The following FNDC3B variants were observed in gnomAD, a reference collection of about 807,000 sequenced individuals.
FNDC3B encodes fibronectin type III domain containing 3B.
A neutral mutation model predicts 151.5 loss-of-function variants in FNDC3B; 12 were observed. The observed-to-expected ratio is 0.08, with a 90% CI of 0.05 to 0.13. The LOEUF (loss-of-function observed/expected upper bound fraction) is 0.13. Among genes scored for constraint, FNDC3B ranks in the 10% least tolerant of loss-of-function variants. FNDC3B has a pLI of 1.00. For synonymous variants in FNDC3B, 528 were observed against 549.0 expected (o/e 0.96, Z 0.54); for missense variants, 1,214 against 1,505.3 (o/e 0.81, Z 3.20).
chr3:172,188,748 T>C (rs868520311), intron 3 of FNDC3B, among the ~76,000 whole-genome samples: 9 of 152,220 alleles, frequency 5.9e-5, no homozygotes, highest in African/African-American at 2.2e-4. Context: ...GGCTGTGAAA[T>C]GTACACTGAG....
chr3:172,102,150 G>A (rs978398336), intron 1 of FNDC3B, among the ~76,000 whole-genome samples: 2 of 152,110 alleles, frequency 1.3e-5, no homozygotes, highest in Non-Finnish European at 2.9e-5. Context: ...CAATTAGCTC[G>A]CTAAGAGCAT....
At chr3:172,193,877 A>T (rs1037137676) in intron 3 of FNDC3B, among the ~76,000 whole-genome samples, 7 of 152,164 alleles carry the variant, frequency 4.6e-5, no homozygotes, top group African/African-American at 1.7e-4. Context: ...GAAAGGAGTA[A>T]GTTTTTGGAT....
chr3:172,286,468 G>T (rs1730024216), intron 7 of FNDC3B, among the ~76,000 whole-genome samples: 1 of 152,146 alleles, frequency 6.6e-6, no homozygotes, highest in Non-Finnish European at 1.5e-5. Context: ...TTTTGATTTT[G>T]CCAGGTGCTT....
chr3:172,104,719 A>G (rs1310139844), intron 1 of FNDC3B, among the ~76,000 whole-genome samples: 1 of 152,178 alleles, frequency 6.6e-6, no homozygotes, highest in East Asian at 1.9e-4. Context: ...CCATATTCTC[A>G]CAGTAGCAGG....
intron 1 of FNDC3B, among the ~76,000 whole-genome samples, chr3:172,089,124 A>C (rs1210372720): frequency 6.6e-6 from 1 of 152,226 alleles, no homozygotes; most frequent in African/African-American, 2.4e-5. Context: ...GTGAGCAACT[A>C]ATACCCATAG....
chr3:172,238,769 G>C (rs1324792044), intron 4 of FNDC3B, among the ~76,000 whole-genome samples: 1 of 152,182 alleles, frequency 6.6e-6, no homozygotes, highest in Non-Finnish European at 1.5e-5. Flanking sequence ...CGATGCATTT[G>C]TACTCCTGAT....
At chr3:172,390,819 G>T (rs1576972367) in intron 25 of FNDC3B, among the ~76,000 whole-genome samples, 1 of 152,084 alleles carries the variant, frequency 6.6e-6, no homozygotes, top group Non-Finnish European at 1.5e-5. Context: ...GTCTTTGCTT[G>T]GCAGAAACTG....
At chr3:172,355,346 T>A (rs929628581) in intron 22 of FNDC3B, among the ~76,000 whole-genome samples, 2 of 152,144 alleles carry the variant, frequency 1.3e-5, no homozygotes, top group African/African-American at 4.8e-5. Context: ...GTCCATTCTA[T>A]TTGTGGATAA....
chr3:172,366,448 G>C (rs1413366081), intron 23 of FNDC3B, among the ~76,000 whole-genome samples: 2 of 151,846 alleles, frequency 1.3e-5, no homozygotes, highest in Admixed American at 1.3e-4. Flanking sequence ...TAGAAAGTAG[G>C]GTTTGTACCA....
intron 1 of FNDC3B, among the ~76,000 whole-genome samples, chr3:172,049,706 T>C (rs1716549207): frequency 6.6e-6 from 1 of 152,166 alleles, no homozygotes; most frequent in Admixed American, 6.5e-5. Context: ...TTTGTATATT[T>C]AGTAGAGACA....
At chr3:172,324,072 CA>C (rs965403579) in intron 11 of FNDC3B, among the ~76,000 whole-genome samples, 2 of 152,110 alleles carry the variant, frequency 1.3e-5, no homozygotes, top group Non-Finnish European at 2.9e-5. Context: ...ATGATGACAT[CA>C]GGGGACAGGT....
chr3:172,062,456 T>C (rs1717257115), intron 1 of FNDC3B, among the ~76,000 whole-genome samples: 2 of 151,952 alleles, frequency 1.3e-5, no homozygotes, highest in South Asian at 2.1e-4. Flanking sequence ...GGATGACAGA[T>C]GTGTGCTACC....
intron 7 of FNDC3B, among the ~76,000 whole-genome samples, chr3:172,295,162 G>C (rs1394502331): frequency 6.6e-6 from 1 of 152,206 alleles, no homozygotes; most frequent in Non-Finnish European, 1.5e-5. Flanking sequence ...TTGGATGAAA[G>C]TTGGCATTAT....
Position 172,300,863 on chromosome 3 carries a change from G to A in FNDC3B, c.1061+2076G>A, listed in dbSNP as rs118087655. Reference sequence around the variant, plus strand: ...CGTCTATAGTCCAGATTTAGTCTTTGTGCACTGCCTAATGCACAGTCCATA... The same window carrying A: ...CGTCTATAGTCCAGATTTAGTCTTTATGCACTGCCTAATGCACAGTCCATA... On this transcript the variant is annotated intron_variant, in intron 9 of 25. Transcript: ENST00000415807. 4.1e-3 allele frequency among the ~76,000 whole-genome samples: 630 copies of A among 152,224 alleles called. 13 individuals carry two copies. The East Asian group carries it at 0.046, about 11-fold the overall frequency.
At position 172,330,629 on chromosome 3, in the gene FNDC3B, T is replaced by C. The variant is rs1362247938; in HGVS notation, c.1468T>C (p.Trp490Arg). ...AAGGCTGGTTCGAGCTGGCATCACATGGGTCACGTTGCAGTGGAGTAAGCC... is the reference window on the plus strand; with the variant it reads ...AAGGCTGGTTCGAGCTGGCATCACACGGGTCACGTTGCAGTGGAGTAAGCC... ...APRLVRAGIT[W>R]VTLQWSKPEG... The change falls in exon 13 of 26, where the codon TGG becomes CGG. Residue 490 changes from tryptophan to arginine, a missense_variant. By Grantham distance (101) the Trp-to-Arg change is moderately radical. This residue lies in a region of FNDC3B where 111 missense variants were observed against 96.8 expected (regional missense o/e 1.15). Coordinates refer to ENST00000415807, the MANE Select transcript of FNDC3B (RefSeq NM_022763.4). 1 of 1,614,198 alleles carries C rather than the reference T, an allele frequency of 6.2e-7. No homozygotes were observed. Among genetic ancestry groups the C allele is most frequent in the African/African-American group, 1.3e-5 (1 of 75,064 alleles).
At chr3:172,374,244 A>AG (rs982790884) in intron 23 of FNDC3B, among the ~76,000 whole-genome samples, 7 of 152,200 alleles carry the variant, frequency 4.6e-5, no homozygotes, top group Non-Finnish European at 8.8e-5. Flanking sequence ...CTAGAAAAAA[A>AG]TCTGTGTTAG....
chr3:172,377,829 A>T (rs1333806995), intron 23 of FNDC3B, among the ~76,000 whole-genome samples: 1 of 152,180 alleles, frequency 6.6e-6, no homozygotes. Flanking sequence ...TTCTGGCCAA[A>T]CCGCAGTTAT....
chr3:172,157,576 C>T (rs1722556845), intron 3 of FNDC3B, among the ~76,000 whole-genome samples: 1 of 152,140 alleles, frequency 6.6e-6, no homozygotes, highest in South Asian at 2.1e-4. Context: ...ATCCCTAACT[C>T]CTAGTAACCA....
chr3:172,329,698 A>T (rs1376705799), intron 12 of FNDC3B: 2 of 152,180 alleles, frequency 1.3e-5, no homozygotes, highest in Non-Finnish European at 2.9e-5. Flanking sequence ...TGCTTGTTGA[A>T]ATCTTCTTAA....
Sources: allele counts gnomAD v4.1 joint callset (sites outside exome capture counted in the v4.1 genomes callset), GRCh38; gene constraint gnomAD v4.1.1; regional missense constraint gnomAD v4.1.1; transcripts MANE v1.5; gene names NCBI Gene and HGNC (gene_info 2026-07-23, HGNC 2026-07-21).